The following RFX3 variants were observed in gnomAD, a reference collection of about 807,000 sequenced individuals.
RFX3 encodes the protein transcription factor RFX3.
RFX3 carries 14 observed loss-of-function variants against 98.6 expected under a neutral mutation model. The observed-to-expected ratio is 0.14, with a 90% CI of 0.09 to 0.22. The LOEUF is 0.22. Among genes scored for constraint, RFX3 ranks in the 10% least tolerant of loss-of-function variants. RFX3 has a pLI of 1.00. For missense variants in RFX3, 639 were observed against 926.9 expected (o/e 0.69, Z 4.03); for synonymous variants, 383 against 328.4 (o/e 1.17, Z -1.80).
intron 1 of RFX3, among the ~76,000 whole-genome samples, chr9:3,411,896 A>G (rs1260356213): frequency 2.0e-5 from 3 of 152,134 alleles, no homozygotes; most frequent in African/African-American, 7.2e-5. Flanking sequence ...CTCTACATAT[A>G]TAAGCTGAGT....
At chr9:3,285,281 T>C (rs943616178) in intron 7 of RFX3, among the ~76,000 whole-genome samples, 4 of 151,820 alleles carry the variant, frequency 2.6e-5, no homozygotes, top group Non-Finnish European at 4.4e-5. Context: ...ACCTTTCACA[T>C]GTCATTTGTA....
intron 2 of RFX3, among the ~76,000 whole-genome samples, chr9:3,361,184 A>G (rs1836386504): frequency 1.3e-5 from 2 of 152,222 alleles, no homozygotes; most frequent in Admixed American, 6.5e-5. Context: ...ACAGAAGGAA[A>G]AAGGACCCAC....
chr9:3,300,287 T>C (rs909020863), intron 5 of RFX3, among the ~76,000 whole-genome samples: 1 of 151,766 alleles, frequency 6.6e-6, no homozygotes, highest in Non-Finnish European at 1.5e-5. Context: ...GAATATATAC[T>C]ATCATGTTTA....
intron 12 of RFX3, among the ~76,000 whole-genome samples, 155 bp from the exon 13 acceptor site, chr9:3,263,239 G>C (rs560353006): frequency 6.6e-6 from 1 of 152,146 alleles, no homozygotes; most frequent in African/African-American, 2.4e-5. Flanking sequence ...GTAAATTACA[G>C]CATTTAAATC....
intron 3 of RFX3, 33 bp downstream of exon 3, chr9:3,346,634 G>T: frequency 7.7e-7 from 1 of 1,306,366 alleles, no homozygotes; most frequent in Non-Finnish European, 1.1e-6. Flanking sequence ...CTCTGAGTGG[G>T]GGAATTAAAA....
chr9:3,363,824 T>C (rs961615040), intron 2 of RFX3, among the ~76,000 whole-genome samples: 2 of 152,216 alleles, frequency 1.3e-5, no homozygotes, highest in Non-Finnish European at 2.9e-5. Flanking sequence ...ATAATGATAT[T>C]GGTAGTACAA....
At chr9:3,365,408 C>G (rs1587333103) in intron 2 of RFX3, among the ~76,000 whole-genome samples, 1 of 151,832 alleles carries the variant, frequency 6.6e-6, no homozygotes, top group African/African-American at 2.4e-5. Context: ...GCACATCATA[C>G]ACTATAAATT....
In RFX3 at chr9:3,221,671, G is replaced by C. The variant is rs1817346833; in HGVS notation, c.*3371C>G. Reference sequence around the variant, plus strand: ...TAGCCAAAGAAAAAATTGAAAATTGGGCCCTGTCTTCCAAGGAGATGGTTC... The same window carrying C: ...TAGCCAAAGAAAAAATTGAAAATTGCGCCCTGTCTTCCAAGGAGATGGTTC... On this transcript the variant is annotated 3_prime_UTR_variant, in exon 17 of 17. Transcript: ENST00000617270. The C allele has an allele frequency of 6.6e-6, 1 of 152,034 alleles. No individual in the cohort carries two copies. Among genetic ancestry groups the C allele is most frequent in the Non-Finnish European group, 1.5e-5 (1 of 67,992 alleles). The allele number at this position is 152,034 out of a possible 1,614,324, so 9.4% of individuals were successfully genotyped here.
At chr9:3,507,911 A>G (rs538327822) in intron 1 of RFX3, among the ~76,000 whole-genome samples, 1 of 152,006 alleles carries the variant, frequency 6.6e-6, no homozygotes, top group African/African-American at 2.4e-5. Flanking sequence ...GGGGAAGTAC[A>G]GAGAAAAGTG....
chr9:3,323,811 C>G (rs1831577183), intron 4 of RFX3: 1 of 168,468 alleles, frequency 5.9e-6, no homozygotes, highest in South Asian at 1.7e-4. Flanking sequence ...TTGTCTTAAC[C>G]TGCTAGTTTA....
At chr9:3,480,661 G>C (rs1404836177) in intron 1 of RFX3, among the ~76,000 whole-genome samples, 1 of 152,154 alleles carries the variant, frequency 6.6e-6, no homozygotes, top group Non-Finnish European at 1.5e-5. Flanking sequence ...CCCACAATGA[G>C]AGTCAATCTA....
intron 2 of RFX3, among the ~76,000 whole-genome samples, chr9:3,367,072 G>C (rs1023368942): frequency 6.6e-6 from 1 of 152,032 alleles, no homozygotes; most frequent in Non-Finnish European, 1.5e-5. Context: ...ACCAAGATTA[G>C]AAACTCTAAT....
At chr9:3,316,113 G>C (rs1171644097) in intron 4 of RFX3, among the ~76,000 whole-genome samples, 1 of 152,154 alleles carries the variant, frequency 6.6e-6, no homozygotes, top group Non-Finnish European at 1.5e-5. Flanking sequence ...GAACATCGAT[G>C]CAAAAATCCT....
At chr9:3,479,116 G>C (rs559076883) in intron 1 of RFX3, among the ~76,000 whole-genome samples, 1 of 152,214 alleles carries the variant, frequency 6.6e-6, no homozygotes, top group Admixed American at 6.5e-5. Context: ...TGGAGAGAGA[G>C]ATGAGAATAA....
intron 15 of RFX3, among the ~76,000 whole-genome samples, chr9:3,243,174 G>T (rs1820190385): frequency 6.6e-6 from 1 of 151,810 alleles, no homozygotes. Context: ...TAACAGGTAT[G>T]TAAACAGATG....
intron 5 of RFX3, among the ~76,000 whole-genome samples, chr9:3,300,633 T>A (rs1828539176): frequency 1.3e-5 from 2 of 151,852 alleles, no homozygotes; most frequent in Admixed American, 1.3e-4. Context: ...TAATACTTTA[T>A]CCCTAAATTT....
chr9:3,507,418 G>C (rs768434871), intron 1 of RFX3, among the ~76,000 whole-genome samples: 3 of 151,880 alleles, frequency 2.0e-5, no homozygotes, highest in African/African-American at 4.8e-5. Flanking sequence ...TTTTGACTAT[G>C]TCATATACTG....
intron 9 of RFX3, among the ~76,000 whole-genome samples, chr9:3,272,611 G>C (rs1173639900): frequency 6.6e-6 from 1 of 152,166 alleles, no homozygotes; most frequent in Non-Finnish European, 1.5e-5. Flanking sequence ...ATCTTCTCCA[G>C]CAGCAAATTT....
intron 2 of RFX3, among the ~76,000 whole-genome samples, chr9:3,376,122 A>C (rs940361547): frequency 6.6e-6 from 1 of 152,206 alleles, no homozygotes; most frequent in African/African-American, 2.4e-5. Context: ...TACGGATTAA[A>C]ACCACAATGA....
Sources: allele counts gnomAD v4.1 joint callset (sites outside exome capture counted in the v4.1 genomes callset), GRCh38; gene constraint gnomAD v4.1.1; transcripts MANE v1.5; gene names NCBI Gene and HGNC (gene_info 2026-07-23, HGNC 2026-07-21).